Variants in NRXN3 observed in about 807,000 individuals in gnomAD.
NRXN3 encodes neurexin III.
Under a neutral mutation model 137.6 loss-of-function variants are expected in NRXN3, and 32 were observed. The observed-to-expected ratio is 0.23, with a 90% CI of 0.18 to 0.31. The LOEUF is 0.31. Among genes scored for constraint, NRXN3 ranks in the 10% least tolerant of loss-of-function variants. NRXN3 has a pLI of 1.00. For synonymous variants in NRXN3, 798 were observed against 784.5 expected (o/e 1.02, Z -0.29); for missense variants, 1,574 against 2,062.5 (o/e 0.76, Z 4.59).
At chr14:79,762,512 A>AT (rs2099042156) in intron 19 of NRXN3, among the ~76,000 whole-genome samples, 2 of 151,380 alleles carry the variant, frequency 1.3e-5, no homozygotes, top group Non-Finnish European at 2.9e-5. Context: ...AAAAGGTAAA[A>AT]TTGCCAATGA....
chr14:79,094,885 TA>T (rs544216718), intron 15 of NRXN3, among the ~76,000 whole-genome samples: 1 of 150,672 alleles, frequency 6.6e-6, no homozygotes, highest in East Asian at 2.0e-4. Flanking sequence ...TATCGATGAT[TA>T]AAAAAATGAG....
At chr14:79,687,786 C>G (rs1567893394) in intron 17 of NRXN3, among the ~76,000 whole-genome samples, 1 of 152,160 alleles carries the variant, frequency 6.6e-6, no homozygotes, top group Non-Finnish European at 1.5e-5. Context: ...TCTTTCTCAG[C>G]TTAGCAGCAG....
rs572226316 is a variant in NRXN3, at chr14:78,364,236, G to A, written c.757+66376G>A. Among the ~76,000 whole-genome samples the A allele has an allele frequency of 1.7e-4, 26 of 152,340 alleles. 2 individuals carry two copies. The South Asian group carries it at 5.0e-3, about 29-fold the overall frequency. ...AAAGAGACCAGGGCTTCTAGCCCATGTAAAGAAGTAGAACTCTGGCCTTGG... is the reference window on the plus strand; with the variant it reads ...AAAGAGACCAGGGCTTCTAGCCCATATAAAGAAGTAGAACTCTGGCCTTGG... On this transcript the variant is annotated intron_variant, in intron 4 of 20. Transcript: ENST00000335750.
chr14:78,314,652 A>T (rs895455048), intron 4 of NRXN3, among the ~76,000 whole-genome samples: 4 of 152,188 alleles, frequency 2.6e-5, no homozygotes, highest in Non-Finnish European at 5.9e-5. Context: ...CTCTGTGCTC[A>T]GGAGAACAGG....
chr14:79,352,533 G>T (rs1355796292), intron 15 of NRXN3, among the ~76,000 whole-genome samples: 1 of 152,068 alleles, frequency 6.6e-6, no homozygotes, highest in Non-Finnish European at 1.5e-5. Context: ...GCATTATATG[G>T]ATTTGAGAAG....
At chr14:78,867,854 C>T (rs923205536) in intron 10 of NRXN3, among the ~76,000 whole-genome samples, 6 of 151,702 alleles carry the variant, frequency 4.0e-5, no homozygotes, top group East Asian at 1.9e-4. Flanking sequence ...TGTCTTCGGG[C>T]CTTCATTTCT....
chr14:79,061,715 G>C (rs991717341), intron 15 of NRXN3, among the ~76,000 whole-genome samples: 3 of 152,180 alleles, frequency 2.0e-5, no homozygotes, highest in Non-Finnish European at 4.4e-5. Context: ...ACCTTGGTTT[G>C]TCTTTGCTAA....
intron 4 of NRXN3, among the ~76,000 whole-genome samples, chr14:78,608,444 ATAGAT>A (rs1467678783): frequency 1.2e-4 from 18 of 152,218 alleles, no homozygotes; most frequent in Admixed American, 5.9e-4. Context: ...TTTCACATAA[ATAGAT>A]TAATTTATAC....
At chr14:79,171,375 C>T (rs1459153786) in intron 15 of NRXN3, among the ~76,000 whole-genome samples, 2 of 152,080 alleles carry the variant, frequency 1.3e-5, no homozygotes, top group South Asian at 2.1e-4. Flanking sequence ...TATAAGAGTA[C>T]GTGTATACAG....
At chr14:79,385,247 C>A (rs961929789) in intron 15 of NRXN3, among the ~76,000 whole-genome samples, 1 of 121,532 alleles carries the variant, frequency 8.2e-6, no homozygotes, top group Non-Finnish European at 1.6e-5. Context: ...GTGTGATATT[C>A]CCCTTCCTGT....
chr14:79,384,754 A>T (rs1407731181), intron 15 of NRXN3, among the ~76,000 whole-genome samples: 1 of 152,180 alleles, frequency 6.6e-6, no homozygotes, highest in East Asian at 1.9e-4. Flanking sequence ...CTGATCATGG[A>T]CAAACTACTT....
At chr14:78,184,258 G>A (rs529228992) in intron 1 of NRXN3, among the ~76,000 whole-genome samples, 6 of 152,292 alleles carry the variant, frequency 3.9e-5, no homozygotes, top group South Asian at 4.2e-4. Context: ...TTGAGCGCCC[G>A]CTCGATGCCA....
chr14:78,971,713 G>T (rs1049134274), intron 14 of NRXN3, among the ~76,000 whole-genome samples: 5 of 152,222 alleles, frequency 3.3e-5, no homozygotes, highest in Admixed American at 1.3e-4. Flanking sequence ...TCGGCTCACT[G>T]CAACCTCCAC....
intron 17 of NRXN3, among the ~76,000 whole-genome samples, chr14:79,666,303 A>G (rs2098556810): frequency 6.6e-6 from 1 of 152,084 alleles, no homozygotes; most frequent in Non-Finnish European, 1.5e-5. Flanking sequence ...GGTAATGATA[A>G]TACCTGGTTA....
chr14:78,606,336 C>T (rs151102949), intron 4 of NRXN3, among the ~76,000 whole-genome samples: 5 of 152,256 alleles, frequency 3.3e-5, no homozygotes, highest in African/African-American at 1.2e-4. Flanking sequence ...TCAGGAAATA[C>T]CAACTTCAGT....
intron 15 of NRXN3, among the ~76,000 whole-genome samples, chr14:79,241,604 G>T (rs2074310520): frequency 6.6e-6 from 1 of 152,070 alleles, no homozygotes; most frequent in South Asian, 2.1e-4. Context: ...TCACATGTGG[G>T]TATTATTACA....
intron 19 of NRXN3, among the ~76,000 whole-genome samples, chr14:79,711,431 A>ATAGTT (rs2098803750): frequency 6.6e-6 from 1 of 151,824 alleles, no homozygotes; most frequent in Non-Finnish European, 1.5e-5. Context: ...ATATATTCAC[A>ATAGTT]TAGTTTATTT....
chr14:79,489,540 C>A (rs2096692382), intron 16 of NRXN3, among the ~76,000 whole-genome samples: 1 of 152,178 alleles, frequency 6.6e-6, no homozygotes, highest in African/African-American at 2.4e-5. Flanking sequence ...GCTCGTTTCA[C>A]TCAAAGGATA....
intron 4 of NRXN3, among the ~76,000 whole-genome samples, chr14:78,493,108 G>T (rs1477032209): frequency 6.6e-6 from 1 of 152,136 alleles, no homozygotes; most frequent in Non-Finnish European, 1.5e-5. Flanking sequence ...GCTACAGATG[G>T]TTGACTTTTA....
Sources: allele counts gnomAD v4.1 joint callset (sites outside exome capture counted in the v4.1 genomes callset), GRCh38; gene constraint gnomAD v4.1.1; transcripts MANE v1.5; gene names NCBI Gene and HGNC (gene_info 2026-07-23, HGNC 2026-07-21).